The following SH3BP5 variants were observed in gnomAD, a reference collection of about 807,000 sequenced individuals.
SH3BP5 encodes SH3 domain-binding protein 5.
Under a neutral mutation model 43.3 loss-of-function variants are expected in SH3BP5, and 22 were observed. That is an observed-to-expected ratio of 0.51 (90% CI 0.36 to 0.73). SH3BP5 has a LOEUF of 0.73. Ranked by LOEUF, SH3BP5 falls within the 30% of genes least tolerant of loss-of-function variation. The pLI, the probability that SH3BP5 is intolerant of heterozygous loss-of-function variation, is 0.00. For missense variants in SH3BP5, 529 were observed against 586.9 expected, an observed-to-expected ratio of 0.90 and a Z score of 1.02; for synonymous variants, 255 against 225.8, an observed-to-expected ratio of 1.13 and a Z score of -1.16.
At chr3:15,269,361 T>G (rs1696732209) in intron 4 of SH3BP5, among the ~76,000 whole-genome samples, 1 of 152,136 alleles carries the variant, frequency 6.6e-6, no homozygotes, top group African/African-American at 2.4e-5. Flanking sequence ...CATCACAGAT[T>G]CGAAACCCAG....
intron 4 of SH3BP5, among the ~76,000 whole-genome samples, chr3:15,265,881 G>A (rs2125057346): frequency 6.6e-6 from 1 of 152,030 alleles, no homozygotes; most frequent in South Asian, 2.1e-4. Context: ...ACAGAAAATA[G>A]CAAACACCCG....
At position 15,296,883 on chromosome 3, in the gene SH3BP5, A is replaced by T. The variant is rs1697592051; in HGVS notation, c.330+7220T>A. Among the ~76,000 whole-genome samples the T allele has an allele frequency of 2.7e-5, 4 of 149,290 alleles. 1 individual carries two copies. In the South Asian group the frequency reaches 8.4e-4, roughly 31 times the overall value. On this transcript the variant is annotated intron_variant, in intron 3 of 8. Transcript: ENST00000383791. ...TTCTTAAAAAAAAAAAAAAAAAAGA[A>T]ATGGTGTCTCACCATGTTGCCCAGG... is the stretch of plus-strand genomic sequence containing the variant.
At chr3:15,258,754 A>G (rs1308263674) in intron 7 of SH3BP5, 77 bp downstream of exon 7, 3 of 1,327,864 alleles carry the variant, frequency 2.3e-6, no homozygotes, top group Non-Finnish European at 3.2e-6. Context: ...ACTGATGGCC[A>G]GAGAAAGTGA....
At chr3:15,313,248 G>A (rs765388790) in intron 2 of SH3BP5, among the ~76,000 whole-genome samples, 1 of 152,170 alleles carries the variant, frequency 6.6e-6, no homozygotes, top group Non-Finnish European at 1.5e-5. Flanking sequence ...CAACAAGAGC[G>A]AAATGTCTCA....
chr3:15,297,932 G>GC (rs1344877521), intron 3 of SH3BP5, among the ~76,000 whole-genome samples: 1 of 151,572 alleles, frequency 6.6e-6, no homozygotes, highest in East Asian at 1.9e-4. Context: ...AGGGTGGTTG[G>GC]CTTCATAGCA....
chr3:15,262,371 A>G (rs1486595921), intron 4 of SH3BP5, 82 bp from the exon 5 acceptor site: 3 of 1,489,474 alleles, frequency 2.0e-6, no homozygotes, highest in Non-Finnish European at 2.7e-6. Flanking sequence ...TTTTCAAAAA[A>G]TATTCTTTGC....
chr3:15,302,396 A>C (rs1697778229), intron 3 of SH3BP5, among the ~76,000 whole-genome samples: 1 of 152,198 alleles, frequency 6.6e-6, no homozygotes, highest in Non-Finnish European at 1.5e-5. Flanking sequence ...AGCAATCAGA[A>C]CTTTGAAGTA....
At chr3:15,308,862 A>G (rs1176653488) in intron 2 of SH3BP5, among the ~76,000 whole-genome samples, 2 of 152,204 alleles carry the variant, frequency 1.3e-5, no homozygotes. Context: ...TTTTCTTCCC[A>G]TAGGGTTACT....
chr3:15,264,380 T>C (rs1177588089), intron 4 of SH3BP5: 1 of 152,188 alleles, frequency 6.6e-6, no homozygotes, highest in Non-Finnish European at 1.5e-5. Context: ...TGGTAATTCA[T>C]TGAGGCACTC....
rs1160309538 is a variant in SH3BP5, at chr3:15,310,967, T to TAC, written c.202-6737_202-6736insGT. ...TTGAACATGAAGCACACAGGATGAG[T>TAC]CAGTGTTTTCTGGCCAATCGCTCAC... On this transcript the variant is annotated intron_variant, in intron 2 of 8. Transcript: ENST00000383791. Among the ~76,000 whole-genome samples, 435 of 152,012 alleles carry TAC rather than the reference T, an allele frequency of 2.9e-3. 3 individuals are homozygous for TAC. The highest frequency in any genetic ancestry group is 0.01 in the African/African-American group (419 of 41,446).
chr3:15,269,987 T>G, intron 3 of SH3BP5, 110 bp from the exon 4 acceptor site: 2 of 976,008 alleles, frequency 2.0e-6, no homozygotes, highest in Non-Finnish European at 3.0e-6. Context: ...AGCTCATCTC[T>G]GCCTCTTCAC....
intron 3 of SH3BP5, among the ~76,000 whole-genome samples, chr3:15,301,612 G>A (rs1559447957): frequency 6.6e-6 from 1 of 152,110 alleles, no homozygotes; most frequent in Non-Finnish European, 1.5e-5. Flanking sequence ...GCCTGAGAAG[G>A]CCTCATGGAT....
intron 4 of SH3BP5, among the ~76,000 whole-genome samples, chr3:15,265,511 G>GTCTCAC (rs1446877708): frequency 9.3e-4 from 29 of 31,064 alleles, no homozygotes; most frequent in African/African-American, 5.8e-3. Context: ...GCGAGACTCC[G>GTCTCAC]TCACACACAC....
intron 5 of SH3BP5, 194 bp from the exon 6 acceptor site, chr3:15,259,997 T>A (rs1696372762): frequency 3.2e-6 from 2 of 615,424 alleles, no homozygotes. Context: ...ATGGAACGAC[T>A]GGGCTCACCC....
chr3:15,272,269 A>T (rs1405565869), intron 3 of SH3BP5, among the ~76,000 whole-genome samples: 1 of 152,218 alleles, frequency 6.6e-6, no homozygotes, highest in Non-Finnish European at 1.5e-5. Context: ...CCAGCCCTCC[A>T]GGCGACGATG....
At chr3:15,256,681 C>G in intron 8 of SH3BP5, 172 bp downstream of exon 8, 1 of 763,074 alleles carries the variant, frequency 1.3e-6, no homozygotes, top group East Asian at 2.7e-5. Context: ...CAGGAGCCCC[C>G]CCAGAACAGC....
intron 4 of SH3BP5, among the ~76,000 whole-genome samples, chr3:15,267,025 T>C (rs574096719): frequency 6.6e-6 from 1 of 152,324 alleles, no homozygotes; most frequent in African/African-American, 2.4e-5. Context: ...CCTTAAGTAA[T>C]ACTTTGGAAG....
chr3:15,301,012 A>C (rs1182031004), intron 3 of SH3BP5, among the ~76,000 whole-genome samples: 1 of 152,100 alleles, frequency 6.6e-6, no homozygotes, highest in Non-Finnish European at 1.5e-5. Context: ...GAAGAGATGG[A>C]GAGGAGCCAC....
intron 2 of SH3BP5, among the ~76,000 whole-genome samples, chr3:15,320,605 A>AACACACACACACACAC (rs376414934): frequency 0.081 from 10,306 of 126,682 alleles, 547 homozygotes; most frequent in Middle Eastern, 0.14. Context: ...ATCCAGCCAA[A>AACACACACACACACAC]ACACACACAC....
Sources: allele counts gnomAD v4.1 joint callset (sites outside exome capture counted in the v4.1 genomes callset), GRCh38; gene constraint gnomAD v4.1.1; transcripts MANE v1.5; gene names NCBI Gene and HGNC (gene_info 2026-07-23, HGNC 2026-07-21).